Variants in ZBTB38 observed in about 807,000 individuals in gnomAD.
The protein encoded by ZBTB38 is zinc finger and BTB domain containing 38, also known as zinc finger and BTB domain-containing protein 38.
A neutral mutation model predicts 76.8 loss-of-function variants in ZBTB38; 20 were observed. That is an observed-to-expected ratio of 0.26 (90% confidence interval 0.18 to 0.38). The LOEUF (loss-of-function observed/expected upper bound fraction) is 0.38. ZBTB38 is among the 10% of genes least tolerant of loss of function. The pLI is 1.00. For missense variants in ZBTB38, 1,082 were observed against 1,482.3 expected, an observed-to-expected ratio of 0.73 and a Z score of 4.43; for synonymous variants, 504 against 544.2, an observed-to-expected ratio of 0.93 and a Z score of 1.03.
chr3:141,332,822 A>G (rs1303843531), intron 1 of ZBTB38, among the ~76,000 whole-genome samples: 1 of 152,154 alleles, frequency 6.6e-6, no homozygotes, highest in African/African-American at 2.4e-5. Flanking sequence ...TGAAAATTTG[A>G]AAACTACTGG....
rs1167097192 is a variant in ZBTB38 at position 141,442,774 on chromosome 3, A to C, written c.386A>C (p.Asn129Thr). Residue 129 changes from asparagine (N) to threonine (T), a missense_variant, in exon 6 of 6, where the codon AAT (asparagine) becomes ACT (threonine). This residue lies in a region of ZBTB38 where 34 missense variants were observed against 40.4 expected (regional missense o/e 0.84). Transcript: ENST00000321464. This position sits in a 1 kb window ranked among gnomAD's most constrained non-coding sequence, Gnocchi z 6.4. ...GACCTTACTGATCGCAACTTCTCAA[A>C]TTCCCCGGGTCCCTATGTATTCTGT... is the stretch of plus-strand genomic sequence containing the variant. ...LEDLTDRNFS[N>T]SPGPYVFCIT... 2.5e-6 allele frequency: 4 copies of C among 1,614,074 alleles called. No individual in the cohort carries two copies. The highest frequency in any genetic ancestry group is 3.4e-6 in the Non-Finnish European group (4 of 1,180,030).
At chr3:141,344,455 A>G (rs1456161809) in intron 1 of ZBTB38, among the ~76,000 whole-genome samples, 1 of 152,096 alleles carries the variant, frequency 6.6e-6, no homozygotes, top group East Asian at 1.9e-4. Context: ...TACAGCCTCA[A>G]CCTCCAAGGC....
chr3:141,371,041 CTTTCTTTTT>C (rs1944495220), intron 2 of ZBTB38, among the ~76,000 whole-genome samples: 1 of 75,458 alleles, frequency 1.3e-5, no homozygotes, highest in Admixed American at 1.1e-4. Context: ...TCTTTTCTTT[CTTTCTTTTT>C]TTTTTTTTTT....
intron 4 of ZBTB38, among the ~76,000 whole-genome samples, chr3:141,398,563 G>A (rs940381381): frequency 6.6e-6 from 1 of 152,050 alleles, no homozygotes; most frequent in Non-Finnish European, 1.5e-5. Context: ...AACATATGTA[G>A]TAGAGGCTAG....
At chr3:141,360,402 G>T (rs552351775) in intron 1 of ZBTB38, among the ~76,000 whole-genome samples, 2 of 152,144 alleles carry the variant, frequency 1.3e-5, no homozygotes, top group Non-Finnish European at 2.9e-5. Flanking sequence ...TGCCATTTTT[G>T]TACATCAAAA....
At chr3:141,325,519 C>T (rs376429020) in intron 1 of ZBTB38, among the ~76,000 whole-genome samples, 42 of 152,098 alleles carry the variant, frequency 2.8e-4, no homozygotes, top group Non-Finnish European at 1.9e-4. Flanking sequence ...TTCAGCAACC[C>T]GGGTAGCAAC....
intron 2 of ZBTB38, among the ~76,000 whole-genome samples, chr3:141,373,012 G>A (rs760674880): frequency 6.6e-6 from 1 of 152,200 alleles, no homozygotes; most frequent in Non-Finnish European, 1.5e-5. Flanking sequence ...ATTACTACAG[G>A]AAGGGGAGTA....
intron 2 of ZBTB38, among the ~76,000 whole-genome samples, chr3:141,378,398 T>C (rs1945706193): frequency 6.6e-6 from 1 of 152,080 alleles, no homozygotes; most frequent in Admixed American, 6.6e-5. Flanking sequence ...TAAAAACTGG[T>C]AAAATCACAT....
chr3:141,429,348 T>C (rs1240431942), intron 5 of ZBTB38, among the ~76,000 whole-genome samples: 23 of 143,430 alleles, frequency 1.6e-4, no homozygotes, highest in African/African-American at 6.0e-4. Flanking sequence ...GTGCAGGGGA[T>C]GGCGGCAGGT....
intron 1 of ZBTB38, among the ~76,000 whole-genome samples, chr3:141,344,888 C>G (rs1943300780): frequency 6.6e-6 from 1 of 152,226 alleles, no homozygotes; most frequent in African/African-American, 2.4e-5. Context: ...GTAACATATT[C>G]ACATGATCTT....
At chr3:141,432,464 A>G (rs1030954623) in intron 5 of ZBTB38, among the ~76,000 whole-genome samples, 4 of 152,124 alleles carry the variant, frequency 2.6e-5, no homozygotes, top group African/African-American at 9.7e-5. Flanking sequence ...CTGGCCCTGG[A>G]GAGTGGCTTT....
chr3:141,442,412 G>T lies in ZBTB38; in HGVS notation c.24G>T (p.Arg8Ser). 6.2e-7 allele frequency: 1 copy of T among 1,613,410 alleles called. No individual in the cohort carries two copies. ...AGATGACAGTCATGTCCCTTTCCAG[G>T]GACCTCAAGGACGACTTTCACAGTG... The part of the protein sequence containing the change: MTVMSLS[R>S]DLKDDFHSDT... The change falls in exon 6 of 6, where the codon AGG (arginine) becomes AGT (serine). Residue 8 changes from arginine to serine, a missense_variant. Transcript: ENST00000321464. This position sits in a 1 kb window ranked among gnomAD's most constrained non-coding sequence, Gnocchi z 6.4.
At chr3:141,415,094 T>C (rs534691898) in intron 5 of ZBTB38, among the ~76,000 whole-genome samples, 4 of 151,700 alleles carry the variant, frequency 2.6e-5, no homozygotes, top group South Asian at 4.2e-4. Flanking sequence ...CTAGCTATTA[T>C]TTCACCAGAG....
chr3:141,444,216 A>G lies in ZBTB38; in HGVS notation c.1828A>G (p.Ser610Gly). ...PGTYVVQNPH[S>G]SELPTLNFQD... Reference sequence around the variant, plus strand: ...TACCTATGTTGTTCAGAATCCACACAGCTCTGAATTACCAACGCTGAATTT... The same window carrying G: ...TACCTATGTTGTTCAGAATCCACACGGCTCTGAATTACCAACGCTGAATTT... The change falls in exon 6 of 6, where the codon AGC (serine) becomes GGC (glycine). Residue 610 changes from serine to glycine, a missense_variant. Physicochemically the swap from Ser to Gly is moderately conservative, Grantham distance 56. Around this residue, in one of 8 missense-constraint regions of ZBTB38, gnomAD observed 471 missense variants for 581.0 expected, o/e 0.81. Coordinates refer to ENST00000321464, the MANE Select transcript of ZBTB38 (RefSeq NM_001376113.1). This position sits in a 1 kb window ranked among gnomAD's most constrained non-coding sequence, Gnocchi z 5.1. 2 of 1,614,230 alleles carry G rather than the reference A, an allele frequency of 1.2e-6. No individual in the cohort carries two copies. The highest frequency in any genetic ancestry group is 2.2e-5 in the East Asian group (1 of 44,892).
chr3:141,371,538 C>T (rs1286305785), intron 2 of ZBTB38, among the ~76,000 whole-genome samples: 2 of 152,062 alleles, frequency 1.3e-5, no homozygotes, highest in South Asian at 2.1e-4. Flanking sequence ...CAAGGTTTCA[C>T]CATGTTGCCC....
chr3:141,432,120 C>G (rs2077751607), intron 5 of ZBTB38: 1 of 985,326 alleles, frequency 1.0e-6, no homozygotes. Context: ...CTCACTGAAG[C>G]AAAATATCCT....
chr3:141,431,964 C>A, intron 5 of ZBTB38: 1 of 441,320 alleles, frequency 2.3e-6, no homozygotes, highest in Non-Finnish European at 3.0e-6. Context: ...AGCTCAACTC[C>A]ATAAAGGACT....
intron 5 of ZBTB38, among the ~76,000 whole-genome samples, chr3:141,441,027 A>G (rs1049687543): frequency 7.2e-6 from 1 of 139,808 alleles, no homozygotes; most frequent in African/African-American, 2.7e-5. Flanking sequence ...AGCGAGACTC[A>G]ATCTCAAAAA....
At chr3:141,407,078 A>T (rs1954783242) in intron 5 of ZBTB38, among the ~76,000 whole-genome samples, 1 of 152,242 alleles carries the variant, frequency 6.6e-6, no homozygotes, top group Admixed American at 6.5e-5. Flanking sequence ...CATACACTGT[A>T]TTCTGTTGTC....
Sources: gnomAD v4.1 joint callset for allele counts (sites outside exome capture counted in the v4.1 genomes callset) on GRCh38, gnomAD v4.1.1 for gene constraint, gnomAD v4.1.1 regional missense constraint, Gnocchi (gnomAD v3.1) non-coding constraint, MANE v1.5 for transcripts, NCBI Gene and HGNC (gene_info 2026-07-23, HGNC 2026-07-21) for gene names.